The following GOLGA3 variants were observed in gnomAD, a reference collection of about 807,000 sequenced individuals.
GOLGA3 encodes golgin A3, also known as golgin subfamily A member 3.
A neutral mutation model predicts 169.4 loss-of-function variants in GOLGA3; 75 were observed. The ratio of observed to expected loss-of-function variants is 0.44; its 90% CI spans 0.37 to 0.54. The LOEUF is 0.54. Among genes scored for constraint, GOLGA3 ranks in the 20% least tolerant of loss-of-function variants. The pLI is 0.00. For synonymous variants in GOLGA3, 824 were observed against 822.4 expected, an observed-to-expected ratio of 1.00 and a Z score of -0.03; for missense variants, 1,899 against 1,930.0, an observed-to-expected ratio of 0.98 and a Z score of 0.30.
chr12:132,783,101 C>A (rs539865072), intron 16 of GOLGA3, among the ~76,000 whole-genome samples: 3 of 151,936 alleles, frequency 2.0e-5, no homozygotes, highest in Non-Finnish European at 4.4e-5. Flanking sequence ...GAGAATGAGG[C>A]GGGAAAATCA....
upstream of GOLGA3, among the ~76,000 whole-genome samples, chr12:132,829,071 C>T (rs1385789407): frequency 6.6e-6 from 1 of 152,256 alleles, no homozygotes; most frequent in Non-Finnish European, 1.5e-5. Flanking sequence ...GTTTGCGGAC[C>T]TTTCCCTAGT....
chr12:132,803,221 G>A (rs1437800231), intron 7 of GOLGA3, among the ~76,000 whole-genome samples: 1 of 152,200 alleles, frequency 6.6e-6, no homozygotes, highest in African/African-American at 2.4e-5. Context: ...GGCAGGCAGA[G>A]TATCCTGCCC....
In GOLGA3 at chr12:132,777,793, T is replaced by C. The variant is rs150754220; in HGVS notation, c.3595A>G (p.Lys1199Glu). 61 of 1,613,522 alleles carry C rather than the reference T, an allele frequency of 3.8e-5. No individual in the cohort carries two copies. The African/African-American group carries it at 7.6e-4, about 20-fold the overall frequency. The part of the protein sequence containing the change: ...NSLKEQVAAA[K>E]VEAGHNRRHF... The stretch of plus-strand genomic sequence containing the variant: ...CGGCGGTTATGCCCGGCTTCCACCT[T>C]GGCAGCAGCCACCTAGGAGGAAGGA... Residue 1199 changes from lysine to glutamate, a missense_variant, in exon 19 of 24, where the codon AAG becomes GAG. Physicochemically the swap from Lys to Glu is moderately conservative, Grantham distance 56. Coordinates refer to ENST00000450791, the MANE Select transcript of GOLGA3 (RefSeq NM_001389683.1). This position sits in a 1 kb window ranked among gnomAD's most constrained non-coding sequence, Gnocchi z 4.7.
At position 132,808,071 on chromosome 12, in the gene GOLGA3, G is replaced by A. The variant is rs145877666; in HGVS notation, c.998C>T (p.Ser333Leu). ...GGTGTCCTGCGTGCCCACTGTCTTCGACAGAATGCCATAGGTCCCTCGGGT... is the reference window on the plus strand; with the variant it reads ...GGTGTCCTGCGTGCCCACTGTCTTCAACAGAATGCCATAGGTCCCTCGGGT... ...ASTRGTYGIL[S>L]KTVGTQDTPY... Residue 333 changes from serine (S) to leucine (L), a missense_variant, in exon 5 of 24, where the codon TCG becomes TTG. Ser to Leu is a moderately radical substitution (Grantham distance 145). Transcript: ENST00000450791. The A allele has an allele frequency of 2.0e-5, 32 of 1,597,606 alleles. No individual in the cohort carries two copies. Among genetic ancestry groups the A allele is most frequent in the African/African-American group, 1.5e-4 (11 of 74,464 alleles).
At position 132,775,198 on chromosome 12, in the gene GOLGA3, G is replaced by A. The variant is rs780749139; in HGVS notation, c.4086C>T (p.Thr1362=). Residue 1362 remains threonine (T), a synonymous_variant, in exon 22 of 24, where the codon ACC becomes ACT. Coordinates refer to ENST00000450791, the MANE Select transcript of GOLGA3 (RefSeq NM_001389683.1). ...KVSELKNNMK[T]LLQQNQQLKL... is the part of the protein sequence containing the mutation. ...TGAGCTGCTGGTTCTGCTGGAGCAG[G>A]GTCTTCATGTTGTTCTTCAGCTCCG... The A allele has an allele frequency of 1.2e-6, 2 of 1,614,036 alleles. No homozygotes were observed. Among genetic ancestry groups the A allele is most frequent in the South Asian group, 2.2e-5 (2 of 91,088 alleles).
chr12:132,826,732 A>C (rs556810132), intron 1 of GOLGA3, among the ~76,000 whole-genome samples: 5 of 152,274 alleles, frequency 3.3e-5, no homozygotes, highest in African/African-American at 1.2e-4. Flanking sequence ...TAGGGCAATA[A>C]GCTGGCAGTC....
chr12:132,819,700 T>A (rs1408399592), intron 2 of GOLGA3, among the ~76,000 whole-genome samples: 1 of 152,022 alleles, frequency 6.6e-6, no homozygotes, highest in Non-Finnish European at 1.5e-5. Flanking sequence ...AAAGGACCCG[T>A]GAGCTCCACT....
intron 8 of GOLGA3, 91 bp from the exon 9 acceptor site, chr12:132,798,568 C>A (rs1948984621): frequency 4.3e-6 from 5 of 1,163,246 alleles, no homozygotes; most frequent in Non-Finnish European, 3.6e-6. Flanking sequence ...GGGTGAGGGT[C>A]ACTGGCTGCC....
In GOLGA3 at chr12:132,822,089, C is replaced by G; in HGVS notation, c.40G>C (p.Asp14His). ...GACGAGGGGCCACTGTGGGATCTGT[C>G]CTCCTGGAGGCCATCTTGCTCGGCC... The part of the protein sequence containing the change: ...ASAEQDGLQE[D>H]RSHSGPSSLP... The change falls in exon 2 of 24, where the codon GAC becomes CAC. Residue 14 changes from aspartate (D) to histidine (H), a missense_variant. Transcript: ENST00000450791. 3 of 1,608,270 alleles carry G rather than the reference C, an allele frequency of 1.9e-6. No individual in the cohort carries two copies. Among genetic ancestry groups the G allele is most frequent in the Non-Finnish European group, 2.5e-6 (3 of 1,178,020 alleles).
rs763579804 is a variant in GOLGA3, at chr12:132,808,237, TTC to T, written c.830_831del (p.Arg277LysfsTer9). 3 of 1,614,084 alleles carry T rather than the reference TTC, an allele frequency of 1.9e-6. No individual in the cohort carries two copies. The highest frequency in any genetic ancestry group is 2.5e-6 in the Non-Finnish European group (3 of 1,180,022). On this transcript the variant is annotated frameshift_variant, in exon 5 of 24. Transcript: ENST00000450791. LOFTEE classifies it high-confidence loss of function. ...TCAGACACAACGGACGCCGCACTGC[TTC>T]TGTTCTGCTTCAGGGAACCCTTGGT... is the stretch of plus-strand genomic sequence containing the variant. ...DSTKGSLKQN[R>X]SSAASVVSEI...
chr12:132,822,088 T>C lies in GOLGA3; in HGVS notation c.41A>G (p.Asp14Gly). The stretch of plus-strand genomic sequence containing the variant: ...AGACGAGGGGCCACTGTGGGATCTG[T>C]CCTCCTGGAGGCCATCTTGCTCGGC... ...ASAEQDGLQEDRSHSGPSSLP... is the reference protein window; with the variant it reads ...ASAEQDGLQEGRSHSGPSSLP... Residue 14 changes from aspartate (D) to glycine (G), a missense_variant, in exon 2 of 24, where the codon GAC becomes GGC. Physicochemically the swap from Asp to Gly is moderately conservative, Grantham distance 94 (BLOSUM62 -1). Coordinates refer to ENST00000450791, the MANE Select transcript of GOLGA3 (RefSeq NM_001389683.1). 8 of 1,608,120 alleles carry C rather than the reference T, an allele frequency of 5.0e-6. No homozygotes were observed. The highest frequency in any genetic ancestry group is 6.8e-6 in the Non-Finnish European group (8 of 1,177,952).
chr12:132,828,525 G>A (rs1288239016), intron 1 of GOLGA3: 1 of 152,308 alleles, frequency 6.6e-6, no homozygotes, highest in Non-Finnish European at 1.5e-5. Flanking sequence ...GGACAGCTTC[G>A]GGACAGGCCG....
At chr12:132,826,589 A>G (rs1950424853) in intron 1 of GOLGA3, among the ~76,000 whole-genome samples, 1 of 152,106 alleles carries the variant, frequency 6.6e-6, no homozygotes, top group Non-Finnish European at 1.5e-5. Flanking sequence ...CCACCTCTCC[A>G]GAACAGAGAC....
chr12:132,780,704 C>T (rs535721792), intron 18 of GOLGA3, 94 bp downstream of exon 18: 1 of 796,174 alleles, frequency 1.3e-6, no homozygotes, highest in South Asian at 1.5e-5. Context: ...TGTGTAACTG[C>T]TGGAAGGAGG....
intron 9 of GOLGA3, among the ~76,000 whole-genome samples, chr12:132,797,999 T>C (rs1413703356): frequency 2.0e-5 from 3 of 152,138 alleles, no homozygotes; most frequent in African/African-American, 4.8e-5. Flanking sequence ...CATCCCTGAC[T>C]GGCAATGACT....
intron 2 of GOLGA3, among the ~76,000 whole-genome samples, chr12:132,820,325 C>A (rs1299576791): frequency 6.6e-6 from 1 of 152,200 alleles, no homozygotes; most frequent in African/African-American, 2.4e-5. Flanking sequence ...CTCAATGGAG[C>A]AACACCCTGA....
chr12:132,782,293 T>C lies in GOLGA3; in HGVS notation c.3465+3A>G. The C allele has an allele frequency of 6.2e-7, 1 of 1,612,000 alleles. No homozygotes were observed. Among genetic ancestry groups the C allele is most frequent in the Non-Finnish European group, 8.5e-7 (1 of 1,178,334 alleles). On this transcript the variant is annotated splice_donor_region_variant and intron_variant, in intron 17 of 23. Coordinates refer to ENST00000450791, the MANE Select transcript of GOLGA3 (RefSeq NM_001389683.1). ...CTGGCGTGAGTTTGACGAGTTTGAATACCTGAAGGTTCAACTGGACTAGGT... is the reference window on the plus strand; with the variant it reads ...CTGGCGTGAGTTTGACGAGTTTGAACACCTGAAGGTTCAACTGGACTAGGT...
In GOLGA3 at chr12:132,813,812, C is replaced by A. The variant is rs553547413; in HGVS notation, c.407-393G>T. On this transcript the variant is annotated intron_variant, in intron 3 of 23. Coordinates refer to ENST00000450791, the MANE Select transcript of GOLGA3 (RefSeq NM_001389683.1). ...TGATCTCGGCTCACAGCAACCTCCG[C>A]CTCCCAGGTTCACACCATTCTCCTG... Among the ~76,000 whole-genome samples the A allele has an allele frequency of 2.8e-3, 421 of 151,360 alleles. 3 individuals are homozygous for A. Among genetic ancestry groups the A allele is most frequent in the African/African-American group, 9.8e-3 (404 of 41,150 alleles).
Position 132,803,367 on chromosome 12 carries a change from C to T in GOLGA3, c.1597+1349G>A, listed in dbSNP as rs114275825. ...GGAAATCTGTGAAAATGGTCATGGA[C>T]GCCGAGGCTCTGTCTTCGACCCAAC... On this transcript the variant is annotated intron_variant, in intron 7 of 23. Coordinates refer to ENST00000450791, the MANE Select transcript of GOLGA3 (RefSeq NM_001389683.1). Among the ~76,000 whole-genome samples the T allele has an allele frequency of 2.0e-3, 306 of 152,310 alleles. 2 individuals are homozygous for T. The highest frequency in any genetic ancestry group is 7.1e-3 in the African/African-American group (296 of 41,562).
Sources: allele counts gnomAD v4.1 joint callset (sites outside exome capture counted in the v4.1 genomes callset), GRCh38; gene constraint gnomAD v4.1.1; non-coding constraint Gnocchi (gnomAD v3.1); transcripts MANE v1.5; gene names NCBI Gene and HGNC (gene_info 2026-07-23, HGNC 2026-07-21).